DPYSL2: variants seen among roughly 807,000 people sequenced by gnomAD.
DPYSL2 encodes dihydropyrimidinase-related protein 2.
A neutral mutation model predicts 69.9 loss-of-function variants in DPYSL2; 13 were observed. The ratio of observed to expected loss-of-function variants is 0.19; its 90% CI spans 0.12 to 0.30. DPYSL2 has a LOEUF of 0.30. Ranked by LOEUF, DPYSL2 falls within the 10% of genes least tolerant of loss-of-function variation. DPYSL2 has a pLI of 1.00. For synonymous variants in DPYSL2, 326 were observed against 359.1 expected, an observed-to-expected ratio of 0.91 and a Z score of 1.04; for missense variants, 587 against 918.9, an observed-to-expected ratio of 0.64 and a Z score of 4.67.
intron 7 of DPYSL2, among the ~76,000 whole-genome samples, chr8:26,633,575 C>T (rs976826388): frequency 6.6e-6 from 1 of 152,190 alleles, no homozygotes; most frequent in Admixed American, 6.5e-5. Flanking sequence ...TCCAGCGATT[C>T]TCCTGCCTCA....
chr8:26,577,098 C>T (rs1201993390), intron 1 of DPYSL2: 1 of 438,842 alleles, frequency 2.3e-6, no homozygotes, highest in South Asian at 1.6e-5. Context: ...TCCCATACCC[C>T]GCAGCCTTCC....
chr8:26,603,414 G>T (rs1030033170), intron 3 of DPYSL2, among the ~76,000 whole-genome samples: 7 of 152,296 alleles, frequency 4.6e-5, no homozygotes, highest in African/African-American at 1.7e-4. Flanking sequence ...CTTGTGATCT[G>T]CCTGCCTTGG....
In DPYSL2 at chr8:26,619,763, C is replaced by G. The variant is rs1802439529; in HGVS notation, c.629-4380C>G. 1 of 152,350 alleles carries G rather than the reference C, an allele frequency of 6.6e-6. No homozygotes were observed. Among genetic ancestry groups the G allele is most frequent in the African/African-American group, 2.4e-5 (1 of 41,412 alleles). 9.4% of individuals were successfully genotyped at this position (152,350 alleles called of 1,614,324 possible). ...TTGAGACAGGGTCTTGCTGTGTTGC[C>G]CAGGCTGGTCTTGAACTCCTGGGCT... On this transcript the variant is annotated intron_variant, in intron 3 of 13. Transcript: ENST00000521913. The surrounding 1 kb of genome is among the most constrained non-coding windows in gnomAD (Gnocchi z 4.8).
chr8:26,557,551 G>A (rs1173382796), intron 1 of DPYSL2, among the ~76,000 whole-genome samples: 1 of 145,114 alleles, frequency 6.9e-6, no homozygotes, highest in Admixed American at 7.3e-5. Context: ...GCCGAGCTAG[G>A]TGGATCATTT....
At chr8:26,558,917 GT>G (rs1430339565) in intron 1 of DPYSL2, among the ~76,000 whole-genome samples, 14 of 152,074 alleles carry the variant, frequency 9.2e-5, no homozygotes, top group Non-Finnish European at 1.3e-4. Flanking sequence ...ATTCTCCATT[GT>G]TTTTACTATT....
rs866437422 is a variant in DPYSL2, at chr8:26,622,506, A to T, written c.629-1637A>T. On this transcript the variant is annotated intron_variant, in intron 3 of 13. Transcript: ENST00000521913. ...TGTGTGTGTGTGTGTGTATATATAT[A>T]TTTTTTTTTTTCTTGAGACAAGGCC... Among the ~76,000 whole-genome samples the T allele has an allele frequency of 9.3e-3, 1,184 of 127,308 alleles. 20 individuals carry two copies. Among genetic ancestry groups the T allele is most frequent in the African/African-American group, 0.033 (1,098 of 33,400 alleles). The allele number at this position is 127,308 out of a possible 152,430, so 83.5% of individuals were successfully genotyped here. A position where few individuals can be genotyped will look rare whatever the true frequency, so the allele number is the denominator to read the frequency against.
intron 3 of DPYSL2, among the ~76,000 whole-genome samples, chr8:26,589,795 G>T (rs1585529159): frequency 6.6e-6 from 1 of 152,238 alleles, no homozygotes; most frequent in Non-Finnish European, 1.5e-5. Flanking sequence ...TGGTCCTCTT[G>T]CGAGAAAGCC....
At chr8:26,645,941 C>G (rs1803153858) in intron 10 of DPYSL2, among the ~76,000 whole-genome samples, 1 of 152,106 alleles carries the variant, frequency 6.6e-6, no homozygotes, top group Non-Finnish European at 1.5e-5. Flanking sequence ...TCTTGGCTCA[C>G]TGCAACGTCC....
chr8:26,644,071 G>A lies in DPYSL2; in HGVS notation c.1405G>A (p.Val469Ile), dbSNP rs756113509. The change falls in exon 10 of 14, where the codon GTC becomes ATC. Residue 469 changes from valine (V) to isoleucine (I), a missense_variant. Val to Ile is a conservative substitution (Grantham distance 29). Around this residue, in one of 3 missense-constraint regions of DPYSL2, gnomAD observed 452 missense variants for 754.3 expected, o/e 0.60. Coordinates refer to ENST00000521913, the MANE Select transcript of DPYSL2 (RefSeq NM_001197293.3). The surrounding 1 kb of genome is among the most constrained non-coding windows in gnomAD (Gnocchi z 4.5). ...GTNGTEERMSVIWDKAVVTGK... is the reference protein window; with the variant it reads ...GTNGTEERMSIIWDKAVVTGK... Reference sequence around the variant, plus strand: ...CAATGGCACTGAGGAGCGGATGTCCGTCATCTGGGACAAGGCTGTGGTAAG... The same window carrying A: ...CAATGGCACTGAGGAGCGGATGTCCATCATCTGGGACAAGGCTGTGGTAAG... 5.5e-5 allele frequency: 88 copies of A among 1,614,026 alleles called. No individual in the cohort carries two copies. Among genetic ancestry groups the A allele is most frequent in the African/African-American group, 2.7e-4 (20 of 74,940 alleles).
In DPYSL2 at chr8:26,514,378, C is replaced by T; in HGVS notation, c.53C>T (p.Ala18Val). The change falls in exon 1 of 14, where the codon GCT becomes GTT. Residue 18 changes from alanine to valine, a missense_variant. By Grantham distance (64) the Ala-to-Val change is moderately conservative (BLOSUM62 0). Around this residue, in one of 3 missense-constraint regions of DPYSL2, gnomAD observed 50 missense variants for 86.8 expected, o/e 0.58. Coordinates refer to ENST00000521913, the MANE Select transcript of DPYSL2 (RefSeq NM_001197293.3). The surrounding 1 kb of genome is among the most constrained non-coding windows in gnomAD (Gnocchi z 8.4). ...GKAAEDEEVP[A>V]FFKNLGSGSP... is the part of the protein sequence containing the mutation. ...GCGGCAGAGGACGAAGAGGTCCCTG[C>T]TTTTTTTAAAAACCTGGGCTCCGGC... 2 of 1,515,004 alleles carry T rather than the reference C, an allele frequency of 1.3e-6. No individual in the cohort carries two copies. The highest frequency in any genetic ancestry group is 1.8e-6 in the Non-Finnish European group (2 of 1,138,418). The allele number at this position is 1,515,004 out of a possible 1,614,324, so 93.8% of individuals were successfully genotyped here.
chr8:26,597,394 C>T lies in DPYSL2; in HGVS notation c.628+13411C>T, dbSNP rs1402160235. ...TTTGCATTTCTCTGAATCGCTTTGG[C>T]GTGGGCTTTTATGAGGTTCATTAGG... On this transcript the variant is annotated intron_variant, in intron 3 of 13. Coordinates refer to ENST00000521913, the MANE Select transcript of DPYSL2 (RefSeq NM_001197293.3). This position sits in a 1 kb window ranked among gnomAD's most constrained non-coding sequence, Gnocchi z 5.2. Among the ~76,000 whole-genome samples, 1 of 152,188 alleles carries T rather than the reference C, an allele frequency of 6.6e-6. No individual in the cohort carries two copies. The highest frequency in any genetic ancestry group is 1.5e-5 in the Non-Finnish European group (1 of 68,040).
intron 1 of DPYSL2, among the ~76,000 whole-genome samples, chr8:26,557,335 C>T (rs1357549701): frequency 3.3e-5 from 5 of 151,970 alleles, no homozygotes; most frequent in African/African-American, 1.2e-4. Context: ...GTACAAAGAA[C>T]TCTTAAAACC....
intron 1 of DPYSL2, among the ~76,000 whole-genome samples, chr8:26,569,440 A>G (rs1390120538): frequency 1.3e-5 from 2 of 151,890 alleles, no homozygotes; most frequent in Non-Finnish European, 2.9e-5. Context: ...TGGCAGGTGC[A>G]TATCTGGGAG....
At chr8:26,554,320 T>A (rs760124822) in intron 1 of DPYSL2, among the ~76,000 whole-genome samples, 2 of 152,152 alleles carry the variant, frequency 1.3e-5, no homozygotes, top group Non-Finnish European at 2.9e-5. Context: ...CCTGTATGTC[T>A]TCTTTTGAAA....
At chr8:26,563,070 C>T (rs1801098841) in intron 1 of DPYSL2, among the ~76,000 whole-genome samples, 1 of 152,172 alleles carries the variant, frequency 6.6e-6, no homozygotes, top group Non-Finnish European at 1.5e-5. Context: ...GGCATCTCTT[C>T]TGTCATACTC....
Position 26,605,237 on chromosome 8 carries a change from G to T in DPYSL2, c.629-18906G>T, listed in dbSNP as rs1563406478. The stretch of plus-strand genomic sequence containing the variant: ...ATCACTACTGTTTAACATGGTTCCG[G>T]ATATGTTAGCCAGTGTAATAAGATA... On this transcript the variant is annotated intron_variant, in intron 3 of 13. Coordinates refer to ENST00000521913, the MANE Select transcript of DPYSL2 (RefSeq NM_001197293.3). This position sits in a 1 kb window ranked among gnomAD's most constrained non-coding sequence, Gnocchi z 4.1. Among the ~76,000 whole-genome samples, 1 of 148,904 alleles carries T rather than the reference G, an allele frequency of 6.7e-6. No individual in the cohort carries two copies. Among genetic ancestry groups the T allele is most frequent in the Non-Finnish European group, 1.5e-5 (1 of 66,644 alleles).
intron 1 of DPYSL2, among the ~76,000 whole-genome samples, chr8:26,568,225 G>A (rs539239225): frequency 1.3e-5 from 2 of 152,292 alleles, no homozygotes; most frequent in East Asian, 3.9e-4. Flanking sequence ...TTGGGTTGAT[G>A]ACACTGTGGG....
chr8:26,655,307 A>G (rs1341675173), intron 13 of DPYSL2, among the ~76,000 whole-genome samples: 4 of 152,130 alleles, frequency 2.6e-5, no homozygotes, highest in African/African-American at 9.7e-5. Context: ...GACCAGCGTC[A>G]GCAACATAGC....
intron 3 of DPYSL2, among the ~76,000 whole-genome samples, chr8:26,595,927 T>C (rs1349315733): frequency 6.6e-6 from 1 of 152,158 alleles, no homozygotes; most frequent in Non-Finnish European, 1.5e-5. Flanking sequence ...TGGACAGGCA[T>C]ATCTCATGCC....
Sources: allele counts gnomAD v4.1 joint callset (sites outside exome capture counted in the v4.1 genomes callset), GRCh38; gene constraint gnomAD v4.1.1; regional missense constraint gnomAD v4.1.1; non-coding constraint Gnocchi (gnomAD v3.1); transcripts MANE v1.5; gene names NCBI Gene and HGNC (gene_info 2026-07-23, HGNC 2026-07-21).